Variants in DNM3 observed in about 807,000 individuals in gnomAD.
DNM3 encodes dynamin-3.
Under a neutral mutation model 101.6 loss-of-function variants are expected in DNM3, and 47 were observed. The observed-to-expected ratio is 0.46, with a 90% CI of 0.37 to 0.59. The LOEUF (loss-of-function observed/expected upper bound fraction) is 0.59, where lower values mean the gene tolerates loss of function less well. Ranked by LOEUF, DNM3 falls within the 20% of genes least tolerant of loss-of-function variation. The probability of loss-of-function intolerance (pLI) is 0.00; values close to 1 mark genes in which losing one functional copy is unlikely to be tolerated. For synonymous variants in DNM3, 385 were observed against 387.9 expected, an observed-to-expected ratio of 0.99 and a Z score of 0.09; for missense variants, 849 against 1,085.7, an observed-to-expected ratio of 0.78 and a Z score of 3.06.
chr1:172,228,403 T>G (rs1211133623), intron 14 of DNM3, among the ~76,000 whole-genome samples: 1 of 152,060 alleles, frequency 6.6e-6, no homozygotes, highest in Non-Finnish European at 1.5e-5. Context: ...GTTTCACTCT[T>G]TCTTCGCTCT....
chr1:172,354,137 G>GAGAGAGAGAGAGAGAGAGAGAA (rs2067330252), intron 17 of DNM3, among the ~76,000 whole-genome samples: 4 of 150,280 alleles, frequency 2.7e-5, no homozygotes, highest in Admixed American at 2.0e-4. Flanking sequence ...GAGAGAGAGA[G>GAGAGAGAGAGAGAGAGAGAGAA]AGAGAAATAA....
intron 14 of DNM3, among the ~76,000 whole-genome samples, chr1:172,205,173 G>A (rs1020974286): frequency 8.6e-5 from 13 of 151,914 alleles, no homozygotes; most frequent in African/African-American, 2.9e-4. Context: ...CAGAATAGAG[G>A]GTAAATTCAA....
intron 18 of DNM3, among the ~76,000 whole-genome samples, chr1:172,379,847 G>C (rs1381637193): frequency 6.6e-6 from 1 of 151,790 alleles, no homozygotes; most frequent in African/African-American, 2.4e-5. Context: ...TAGTTCTTTT[G>C]GTAGTTAACT....
chr1:172,398,062 C>T (rs899080757), intron 20 of DNM3, among the ~76,000 whole-genome samples: 3 of 152,152 alleles, frequency 2.0e-5, no homozygotes, highest in Non-Finnish European at 4.4e-5. Flanking sequence ...TATTTCTTTT[C>T]TGTGGATTGC....
rs1010214334 is a variant in DNM3, at chr1:172,408,026, C to A, written c.*185C>A. On this transcript the variant is annotated 3_prime_UTR_variant, in exon 21 of 21. Transcript: ENST00000627582. Reference sequence around the variant, plus strand: ...TATGTCAAACCTTTGGGGTTTGACTCAGAAACTGCTAACCTTTTAGAGGCT... The same window carrying A: ...TATGTCAAACCTTTGGGGTTTGACTAAGAAACTGCTAACCTTTTAGAGGCT... 6.9e-7 allele frequency: 1 copy of A among 1,440,234 alleles called. No homozygotes were observed. The allele number at this position is 1,440,234 out of a possible 1,614,324, so 89.2% of individuals were successfully genotyped here. A position where few individuals can be genotyped will look rare whatever the true frequency, so the allele number is the denominator to read the frequency against.
intron 4 of DNM3, among the ~76,000 whole-genome samples, chr1:172,017,638 C>T (rs551140095): frequency 6.6e-6 from 1 of 152,240 alleles, no homozygotes; most frequent in African/African-American, 2.4e-5. Flanking sequence ...TGAACTTAGT[C>T]AAGTTCATGT....
At chr1:172,031,978 C>T (rs960161175) in intron 4 of DNM3, among the ~76,000 whole-genome samples, 6 of 152,172 alleles carry the variant, frequency 3.9e-5, no homozygotes, top group African/African-American at 9.6e-5. Context: ...TGGTTTATGA[C>T]GCACTCTCAT....
intron 1 of DNM3, among the ~76,000 whole-genome samples, chr1:171,857,180 C>G (rs2033696542): frequency 2.6e-5 from 4 of 152,004 alleles, no homozygotes; most frequent in Admixed American, 2.0e-4. Flanking sequence ...TTGCAGTGTG[C>G]CTGGAGTCAG....
rs34612864 is a variant in DNM3, at chr1:172,377,553, CATAT to C, written c.1894-1440_1894-1437del. Among the ~76,000 whole-genome samples the C allele has an allele frequency of 9.8e-3, 1,209 of 123,374 alleles. 30 individuals are homozygous for C. The highest frequency in any genetic ancestry group is 0.031 in the African/African-American group (861 of 28,216). 80.9% of individuals were successfully genotyped at this position (123,374 alleles called of 152,430 possible). A position where few individuals can be genotyped will look rare whatever the true frequency, so the allele number is the denominator to read the frequency against. ...ATCATCTGCTCTCATTGATATATAT[CATAT>C]ATATATATATATATATATATATATT... On this transcript the variant is annotated intron_variant, in intron 17 of 20. Transcript: ENST00000627582.
At chr1:172,356,848 A>G (rs886203724) in intron 17 of DNM3, among the ~76,000 whole-genome samples, 2 of 152,030 alleles carry the variant, frequency 1.3e-5, no homozygotes, top group African/African-American at 4.8e-5. Context: ...AAATTCCAGG[A>G]CTGGGGCAGA....
At chr1:172,034,626 C>T in intron 6 of DNM3, among the ~76,000 whole-genome samples, 1 of 151,746 alleles carries the variant, frequency 6.6e-6, no homozygotes, top group East Asian at 1.9e-4. Flanking sequence ...TTTCTCCTTT[C>T]CTGGATAATC....
intron 14 of DNM3, among the ~76,000 whole-genome samples, chr1:172,189,667 C>T (rs1468967195): frequency 2.0e-5 from 3 of 151,894 alleles, no homozygotes; most frequent in Non-Finnish European, 4.4e-5. Context: ...AAAGAAATAC[C>T]TGAGGCTGGG....
intron 6 of DNM3, among the ~76,000 whole-genome samples, chr1:172,037,328 T>G (rs548402492): frequency 1.6e-4 from 24 of 152,080 alleles, no homozygotes; most frequent in East Asian, 7.8e-4. Flanking sequence ...CTGCTATAAA[T>G]ACATATGCAC....
chr1:172,010,745 A>G (rs555909401), intron 4 of DNM3, among the ~76,000 whole-genome samples: 27 of 141,340 alleles, frequency 1.9e-4, no homozygotes, highest in Admixed American at 1.8e-3. Context: ...TTTGAGCTTT[A>G]GAATCTGTGA....
intron 14 of DNM3, among the ~76,000 whole-genome samples, chr1:172,186,020 G>A (rs1242746374): frequency 6.6e-6 from 1 of 151,928 alleles, no homozygotes; most frequent in Non-Finnish European, 1.5e-5. Flanking sequence ...AAGGCAGAAA[G>A]GCAAAAATGT....
intron 15 of DNM3, among the ~76,000 whole-genome samples, chr1:172,276,556 A>AGTGTGTGTGTGT (rs1557919059): frequency 1.6e-4 from 3 of 18,672 alleles, no homozygotes; most frequent in East Asian, 4.4e-3. Flanking sequence ...AAAAAATCTT[A>AGTGTGTGTGTGT]ATGTGTGTGT....
Position 172,411,030 on chromosome 1 carries a change from A to T in DNM3, c.*3189A>T. 1.0e-6 allele frequency: 1 copy of T among 985,238 alleles called. No individual in the cohort carries two copies. Among genetic ancestry groups the T allele is most frequent in the Non-Finnish European group, 1.2e-6 (1 of 829,792 alleles). The allele number at this position is 985,238 out of a possible 1,614,324, so 61.0% of individuals were successfully genotyped here. Reference sequence around the variant, plus strand: ...CCATTTGAGTAGGTAGGTAGGTTTTAAAAATACTAGTTAAAATGCCACAAG... The same window carrying T: ...CCATTTGAGTAGGTAGGTAGGTTTTTAAAATACTAGTTAAAATGCCACAAG... On this transcript the variant is annotated 3_prime_UTR_variant, in exon 21 of 21. Coordinates refer to ENST00000627582, the MANE Select transcript of DNM3 (RefSeq NM_015569.5).
At chr1:172,366,811 T>G (rs1207168660) in intron 17 of DNM3, among the ~76,000 whole-genome samples, 1 of 151,648 alleles carries the variant, frequency 6.6e-6, no homozygotes, top group African/African-American at 2.4e-5. Context: ...GTGACTATTT[T>G]GAAATAACCC....
intron 17 of DNM3, among the ~76,000 whole-genome samples, chr1:172,354,589 T>C (rs1055371845): frequency 2.0e-5 from 3 of 152,178 alleles, no homozygotes; most frequent in Non-Finnish European, 4.4e-5. Context: ...GTTTGATTTC[T>C]AGTGGTTTTT....
Sources: gnomAD v4.1 joint callset for allele counts (sites outside exome capture counted in the v4.1 genomes callset) on GRCh38, gnomAD v4.1.1 for gene constraint, MANE v1.5 for transcripts, NCBI Gene and HGNC (gene_info 2026-07-23, HGNC 2026-07-21) for gene names.